SCN11A: variants seen among roughly 807,000 people sequenced by gnomAD.
The protein encoded by SCN11A is sodium channel protein type 11 subunit alpha.
In SCN11A, 122 loss-of-function variants were observed where a neutral mutation model predicts 162.2. That is an observed-to-expected ratio of 0.75 (90% CI 0.65 to 0.87). The LOEUF (loss-of-function observed/expected upper bound fraction) is 0.87. SCN11A is among the 40% of genes least tolerant of loss of function. The probability of loss-of-function intolerance (pLI) is 0.00; values close to 1 mark genes in which losing one functional copy is unlikely to be tolerated. For missense variants in SCN11A, 2,015 were observed against 2,181.6 expected (o/e 0.92, Z 1.52); for synonymous variants, 758 against 751.5 (o/e 1.01, Z -0.14).
intron 2 of SCN11A, among the ~76,000 whole-genome samples, chr3:38,973,486 T>C (rs1268865365): frequency 6.6e-6 from 1 of 152,000 alleles, no homozygotes; most frequent in African/African-American, 2.4e-5. Context: ...GAGATAATGG[T>C]TTTTATATTA....
intron 2 of SCN11A, among the ~76,000 whole-genome samples, chr3:39,023,136 GA>G (rs2031496926): frequency 6.6e-6 from 1 of 152,146 alleles, no homozygotes; most frequent in South Asian, 2.1e-4. Context: ...CAAGCAATAT[GA>G]TTTCTGCGAT....
At chr3:38,925,347 A>G in intron 9 of SCN11A, 68 bp downstream of exon 9, 1 of 1,112,264 alleles carries the variant, frequency 9.0e-7, no homozygotes, top group Non-Finnish European at 1.3e-6. Flanking sequence ...TGACATTTTG[A>G]AAAAATTTAA....
At chr3:38,899,586 T>A (rs1343294796) in intron 17 of SCN11A, among the ~76,000 whole-genome samples, 1 of 151,116 alleles carries the variant, frequency 6.6e-6, no homozygotes, top group African/African-American at 2.4e-5. Context: ...AAAAAAAGAG[T>A]GTCGGAAGGG....
At chr3:38,897,716 TAAA>T (rs10711040) in intron 17 of SCN11A, among the ~76,000 whole-genome samples, 40 of 132,016 alleles carry the variant, frequency 3.0e-4, no homozygotes, top group Middle Eastern at 4.2e-3. Context: ...CTCCATCTCA[TAAA>T]AAAAAAAAAA....
Position 38,968,108 on chromosome 3 carries a change from G to A in SCN11A, c.-279-7685C>T, listed in dbSNP as rs547034545. On this transcript the variant is annotated intron_variant, in intron 2 of 29. Transcript: ENST00000302328. Reference sequence around the variant, plus strand: ...TAGAACCGAAGAATGAAGACCTGTAGGAAATACAGGGAGGTCTGTGTCTCC... The same window carrying A: ...TAGAACCGAAGAATGAAGACCTGTAAGAAATACAGGGAGGTCTGTGTCTCC... Among the ~76,000 whole-genome samples the A allele has an allele frequency of 8.5e-5, 13 of 152,268 alleles. No individual in the cohort carries two copies. The South Asian group carries it at 1.9e-3, about 22-fold the overall frequency.
In SCN11A at chr3:38,872,270, A is replaced by G; in HGVS notation, c.3418T>C (p.Leu1140=). 6.2e-7 allele frequency: 1 copy of G among 1,606,592 alleles called. No homozygotes were observed. The highest frequency in any genetic ancestry group is 8.5e-7 in the Non-Finnish European group (1 of 1,173,326). The change falls in exon 24 of 30, where the codon TTA becomes CTA. Residue 1140 remains leucine (L), a synonymous_variant. Coordinates refer to ENST00000302328, the MANE Select transcript of SCN11A (RefSeq NM_001349253.2). ...GTCCGGAAGGACTTCAATTCCATTA[A>G]GTTAATGAGGGTGGTCACAGAGACC... ...VIVSVTTLIN[L]MELKSFRTLR... is the part of the protein sequence containing the mutation.
chr3:38,963,332 G>A (rs763328765), intron 2 of SCN11A, among the ~76,000 whole-genome samples: 24 of 118,754 alleles, frequency 2.0e-4, no homozygotes, highest in Non-Finnish European at 4.3e-4. Context: ...AGTGGATAAA[G>A]AAACTATATC....
intron 2 of SCN11A, among the ~76,000 whole-genome samples, chr3:38,998,131 A>G (rs1321679066): frequency 6.6e-6 from 1 of 152,224 alleles, no homozygotes; most frequent in Non-Finnish European, 1.5e-5. Flanking sequence ...ACTGATTAGA[A>G]TGAGACTCAC....
intron 2 of SCN11A, among the ~76,000 whole-genome samples, chr3:38,978,035 T>C (rs1245318839): frequency 1.3e-5 from 2 of 152,216 alleles, no homozygotes; most frequent in East Asian, 1.9e-4. Flanking sequence ...CAAGCACTGT[T>C]GGAACCTTCT....
At chr3:38,970,254 A>G (rs73828778) in intron 2 of SCN11A, among the ~76,000 whole-genome samples, 2,408 of 152,288 alleles carry the variant, frequency 0.016, 66 homozygotes, top group African/African-American at 0.056. Flanking sequence ...CCTCTCAGGA[A>G]TGAAACAGAT....
chr3:38,937,816 G>C (rs2066360965), intron 7 of SCN11A, among the ~76,000 whole-genome samples: 1 of 152,250 alleles, frequency 6.6e-6, no homozygotes, highest in East Asian at 1.9e-4. Context: ...GGGGAAGTCA[G>C]TGTGGCGATT....
Position 38,846,591 on chromosome 3 carries a change from T to G in SCN11A, c.*103A>C. The G allele has an allele frequency of 3.7e-6, 3 of 814,204 alleles. No homozygotes were observed. The highest frequency in any genetic ancestry group is 6.1e-6 in the Non-Finnish European group (3 of 494,252). The allele number at this position is 814,204 out of a possible 1,614,324, so 50.4% of individuals were successfully genotyped here. On this transcript the variant is annotated 3_prime_UTR_variant, in exon 30 of 30. Coordinates refer to ENST00000302328, the MANE Select transcript of SCN11A (RefSeq NM_001349253.2). ...CAGAAAAGAAAATGGAATGGCTAAT[T>G]TGGTGAATCCACTCCCTGTTGATAC...
intron 7 of SCN11A, among the ~76,000 whole-genome samples, chr3:38,940,856 T>C (rs931476338): frequency 1.3e-5 from 2 of 152,064 alleles, no homozygotes; most frequent in Admixed American, 6.5e-5. Context: ...TAAGAGACCA[T>C]TGATGCCTGC....
chr3:38,949,829 A>G (rs1203511368), intron 5 of SCN11A, among the ~76,000 whole-genome samples: 1 of 152,088 alleles, frequency 6.6e-6, no homozygotes. Flanking sequence ...TCCAGACTTC[A>G]TTTTGTGTTT....
intron 1 of SCN11A, among the ~76,000 whole-genome samples, chr3:39,040,950 C>T (rs1406907103): frequency 6.6e-6 from 1 of 151,932 alleles, no homozygotes; most frequent in African/African-American, 2.4e-5. Flanking sequence ...GGCATGGTGG[C>T]GGGTGCCTGT....
intron 3 of SCN11A, among the ~76,000 whole-genome samples, chr3:38,957,794 T>C (rs1291044093): frequency 6.6e-6 from 1 of 152,232 alleles, no homozygotes; most frequent in African/African-American, 2.4e-5. Context: ...GGTTCATTCA[T>C]TCATGTGCTG....
chr3:38,907,491 C>A (rs934270766), intron 14 of SCN11A, among the ~76,000 whole-genome samples: 3 of 151,828 alleles, frequency 2.0e-5, no homozygotes, highest in Non-Finnish European at 1.5e-5. Context: ...TTCCATATAG[C>A]ACTTCTTCCC....
At chr3:38,929,360 T>G (rs2066203028) in intron 7 of SCN11A, among the ~76,000 whole-genome samples, 1 of 152,148 alleles carries the variant, frequency 6.6e-6, no homozygotes, top group South Asian at 2.1e-4. Flanking sequence ...AGACAAATAC[T>G]GTGTGATCCA....
At chr3:38,969,127 A>AAGGCAGGC (rs367963828) in intron 2 of SCN11A, among the ~76,000 whole-genome samples, 6 of 151,938 alleles carry the variant, frequency 3.9e-5, no homozygotes, top group Admixed American at 6.6e-5. Context: ...GGGAAGGAAC[A>AAGGCAGGC]AGGCAGGCAG....
Sources: gnomAD v4.1 joint callset for allele counts (sites outside exome capture counted in the v4.1 genomes callset) on GRCh38, gnomAD v4.1.1 for gene constraint, MANE v1.5 for transcripts, NCBI Gene and HGNC (gene_info 2026-07-23, HGNC 2026-07-21) for gene names.